F7: variants seen among roughly 807,000 people sequenced by gnomAD.
The protein encoded by F7 is FVII coagulation protein.
In F7, 38 loss-of-function variants were observed where a neutral mutation model predicts 47.5. The observed-to-expected ratio is 0.80, with a 90% CI of 0.62 to 1.05. The LOEUF is 1.05. Among genes scored for constraint, F7 ranks in the 50% least tolerant of loss-of-function variants. The probability of loss-of-function intolerance (pLI) is 0.00; values close to 1 mark genes in which losing one functional copy is unlikely to be tolerated. For synonymous variants in F7, 244 were observed against 258.5 expected (o/e 0.94, Z 0.54); for missense variants, 575 against 605.4 (o/e 0.95, Z 0.53).
At chr13:113,115,513 TGGTGCCAA>T in intron 4 of F7, 139 bp from the exon 5 acceptor site, 1 of 816,458 alleles carries the variant, frequency 1.2e-6, no homozygotes, top group South Asian at 1.6e-5. Flanking sequence ...ACGGAGCAGG[TGGTGCCAA>T]GCTCAGGCTC....
chr13:113,105,821 C>T lies in F7; in HGVS notation c.-21C>T, dbSNP rs1198390732. On this transcript the variant is annotated 5_prime_UTR_variant, in exon 1 of 8. An upstream open reading frame in the 5' UTR gains an earlier in-frame stop. Transcript: ENST00000346342. ...CATGGGGAATGTCAACAGGCAGGGG[C>T]AGCACTGCAGAGATTTCATCATGGT... 3.8e-6 allele frequency: 6 copies of T among 1,576,814 alleles called. No homozygotes were observed. The highest frequency in any genetic ancestry group is 5.2e-6 in the Non-Finnish European group (6 of 1,161,278).
In F7 at chr13:113,118,959, T is replaced by TGCGCTCAGAGCC. The variant is rs1429184222; in HGVS notation, c.1287_1298dup (p.Ser431_Arg434dup). 9 of 1,606,012 alleles carry TGCGCTCAGAGCC rather than the reference T, an allele frequency of 5.6e-6. 1 individual carries two copies. The highest frequency in any genetic ancestry group is 1.7e-5 in the Admixed American group (1 of 59,988). On this transcript the variant is annotated inframe_insertion, in exon 8 of 8. Transcript: ENST00000346342. ...TACATCGAGTGGCTGCAAAAGCTCATGCGCTCAGAGCCACGCCCAGGAGTC... is the reference window on the plus strand; with the variant it reads ...TACATCGAGTGGCTGCAAAAGCTCATGCGCTCAGAGCCGCGCTCAGAGCCACGCCCAGGAGTC...
In F7 at chr13:113,119,042, G is replaced by A. The variant is rs771040836; in HGVS notation, c.*34G>A. The A allele has an allele frequency of 1.3e-6, 2 of 1,590,036 alleles. No individual in the cohort carries two copies. The highest frequency in any genetic ancestry group is 2.2e-5 in the South Asian group (2 of 90,278). ...CCCTGGCCTGTGGAGAGAAAGCCAAGGCTGCGTCGAACTGTCCTGGCACCA... is the reference window on the plus strand; with the variant it reads ...CCCTGGCCTGTGGAGAGAAAGCCAAAGCTGCGTCGAACTGTCCTGGCACCA... On this transcript the variant is annotated 3_prime_UTR_variant, in exon 8 of 8. Transcript: ENST00000346342.
At chr13:113,112,696 C>T (rs2036125066) in intron 2 of F7, among the ~76,000 whole-genome samples, 2 of 142,084 alleles carry the variant, frequency 1.4e-5, no homozygotes, top group Admixed American at 1.4e-4. Context: ...CACAGGACAA[C>T]TCACAGAGGT....
chr13:113,106,853 G>T, intron 1 of F7: 1 of 1,602,298 alleles, frequency 6.2e-7, no homozygotes. Flanking sequence ...AGGCGGGGTC[G>T]CTAAGGCCTC....
At chr13:113,116,680 C>A in intron 5 of F7, 86 bp from the exon 6 acceptor site, 1 of 1,127,684 alleles carries the variant, frequency 8.9e-7, no homozygotes, top group Non-Finnish European at 1.4e-6. Context: ...CAAGGCCTCT[C>A]AGAGGATGGG....
At chr13:113,110,463 A>C in intron 1 of F7, 1 of 519,106 alleles carries the variant, frequency 1.9e-6, no homozygotes, top group East Asian at 3.7e-5. Context: ...CGCCCTCGGG[A>C]TCAGCCCCCG....
Position 113,119,245 on chromosome 13 carries a change from G to C in F7, c.*237G>C. Reference sequence around the variant, plus strand: ...ACTCCAAGATTCAAAGAGACTAATAGAGACACAGAGATGGAATAGAAAAGA... The same window carrying C: ...ACTCCAAGATTCAAAGAGACTAATACAGACACAGAGATGGAATAGAAAAGA... On this transcript the variant is annotated 3_prime_UTR_variant, in exon 8 of 8. Coordinates refer to ENST00000346342, the MANE Select transcript of F7 (RefSeq NM_019616.4). 1.7e-6 allele frequency: 1 copy of C among 574,268 alleles called. No individual in the cohort carries two copies. Among genetic ancestry groups the C allele is most frequent in the African/African-American group, 1.9e-5 (1 of 53,554 alleles). The allele number at this position is 574,268 out of a possible 1,614,324, so 35.6% of individuals were successfully genotyped here. A position where few individuals can be genotyped will look rare whatever the true frequency, so the allele number is the denominator to read the frequency against.
chr13:113,110,691 C>G lies in F7; in HGVS notation c.66C>G (p.Val22=), dbSNP rs1171465551. 3 of 1,548,224 alleles carry G rather than the reference C, an allele frequency of 1.9e-6. No individual in the cohort carries two copies. The highest frequency in any genetic ancestry group is 1.7e-6 in the Non-Finnish European group (2 of 1,146,460). ...LLGLQGCLAA[V]FVTQEEAHGV... ...CTTCACGGAACTCGCATTTCCCAGT[C>G]TTCGTAACCCAGGAGGAAGCCCACG... is the stretch of plus-strand genomic sequence containing the variant. Residue 22 remains valine, a splice_region_variant and synonymous_variant, in exon 2 of 8, where the codon GTC becomes GTG. Transcript: ENST00000346342.
intron 1 of F7, among the ~76,000 whole-genome samples, chr13:113,109,541 TA>T (rs1313922413): frequency 2.6e-5 from 4 of 152,128 alleles, no homozygotes; most frequent in African/African-American, 4.8e-5. Context: ...CCGCGCTCAG[TA>T]ACCAATTTAG....
In F7 at chr13:113,110,738, G is replaced by T. The variant is rs1317071286; in HGVS notation, c.113G>T (p.Arg38Leu). 2.6e-6 allele frequency: 4 copies of T among 1,548,838 alleles called. No homozygotes were observed. The African/African-American group carries it at 5.5e-5, about 21-fold the overall frequency. The change falls in exon 2 of 8, where the codon CGC (arginine) becomes CTC (leucine). Residue 38 changes from arginine (R) to leucine (L), a missense_variant. Transcript: ENST00000346342. Reference sequence around the variant, plus strand: ...CACGGCGTCCTGCACCGGCGCCGGCGCGCCAACGCGTTCCTGGAGGAGCTG... The same window carrying T: ...CACGGCGTCCTGCACCGGCGCCGGCTCGCCAACGCGTTCCTGGAGGAGCTG... ...EAHGVLHRRR[R>L]ANAFLEELRP...
intron 7 of F7, 59 bp downstream of exon 7, chr13:113,117,655 C>A: frequency 6.7e-7 from 1 of 1,485,124 alleles, no homozygotes; most frequent in Non-Finnish European, 9.2e-7. Flanking sequence ...TCTTCCCTGT[C>A]CGACCGCGGT....
rs143643343 is a variant in F7 at position 113,109,833 on chromosome 13, G to C, written c.65-857G>C. Among the ~76,000 whole-genome samples, 296 of 152,296 alleles carry C rather than the reference G, an allele frequency of 1.9e-3. 3 individuals carry two copies. The highest frequency in any genetic ancestry group is 6.8e-3 in the African/African-American group (283 of 41,576). On this transcript the variant is annotated intron_variant, in intron 1 of 7. Coordinates refer to ENST00000346342, the MANE Select transcript of F7 (RefSeq NM_019616.4). ...CCGCGTGGTGCCCACAGCTCACGGCGCTCCCGGGTGACGGTCCCCTCGGCT... is the reference window on the plus strand; with the variant it reads ...CCGCGTGGTGCCCACAGCTCACGGCCCTCCCGGGTGACGGTCCCCTCGGCT...
chr13:113,116,640 G>C (rs1452346196), intron 5 of F7, 126 bp from the exon 6 acceptor site: 1 of 790,500 alleles, frequency 1.3e-6, no homozygotes, highest in Non-Finnish European at 2.2e-6. Context: ...GGGAGCTCCT[G>C]CTCCTGGGGG....
At chr13:113,110,450 G>C (rs1241933299) in intron 1 of F7, 2 of 479,688 alleles carry the variant, frequency 4.2e-6, no homozygotes, top group African/African-American at 2.1e-5. Flanking sequence ...GTGCCCCCGA[G>C]CGCGCCCTCG....
At chr13:113,110,606 C>T in intron 1 of F7, 84 bp from the exon 2 acceptor site, 1 of 1,524,480 alleles carries the variant, frequency 6.6e-7, no homozygotes, top group South Asian at 1.2e-5. Flanking sequence ...ACCTGCGATG[C>T]CCCCGCCGCG....
chr13:113,108,778 G>A (rs1490442549), intron 1 of F7, among the ~76,000 whole-genome samples: 1 of 106,116 alleles, frequency 9.4e-6, no homozygotes. Context: ...CGGGAGTGTG[G>A]GTGTCCCAGG....
At chr13:113,110,895 G>A (rs1442051794) in intron 2 of F7, 45 bp downstream of exon 2, 5 of 1,541,848 alleles carry the variant, frequency 3.2e-6, no homozygotes, top group East Asian at 4.9e-5. Context: ...CACTGCAGGC[G>A]GCGGTGAACC....
chr13:113,108,878 A>T (rs1382185685), intron 1 of F7, among the ~76,000 whole-genome samples: 10 of 27,252 alleles, frequency 3.7e-4, no homozygotes, highest in Admixed American at 1.0e-3. Flanking sequence ...TCCGGAGGCG[A>T]GGGTGTCCCG....
Sources: allele counts gnomAD v4.1 joint callset (sites outside exome capture counted in the v4.1 genomes callset), GRCh38; gene constraint gnomAD v4.1.1; transcripts MANE v1.5; gene names NCBI Gene and HGNC (gene_info 2026-07-23, HGNC 2026-07-21).